Variants in CHST12 observed in about 807,000 individuals in gnomAD.
CHST12 encodes the protein carbohydrate (chondroitin 4) sulfotransferase 12.
In CHST12, 23 loss-of-function variants were observed where a neutral mutation model predicts 27.9. The ratio of observed to expected loss-of-function variants is 0.82; its 90% CI spans 0.59 to 1.17. CHST12 has a LOEUF of 1.17. CHST12 is among the 50% of genes most tolerant of loss of function. The pLI is 0.00. For missense variants in CHST12, 682 were observed against 603.0 expected, an observed-to-expected ratio of 1.13 and a Z score of -1.37; for synonymous variants, 322 against 273.0, an observed-to-expected ratio of 1.18 and a Z score of -1.77.
intron 1 of CHST12, among the ~76,000 whole-genome samples, chr7:2,409,647 T>G (rs1376032808): frequency 2.0e-5 from 3 of 150,430 alleles, no homozygotes; most frequent in Non-Finnish European, 4.4e-5. Flanking sequence ...AAAAGAATCA[T>G]GGAGAAGGGC....
In CHST12 at chr7:2,432,798, G is replaced by A. The variant is rs1228593702; in HGVS notation, c.159G>A (p.Gly53=). Reference sequence around the variant, plus strand: ...CGGGGCCGCCGCTGCCCACGCCCGGGCCGGACAGGGACAGGGAGCTCACGG... The same window carrying A: ...CGGGGCCGCCGCTGCCCACGCCCGGACCGGACAGGGACAGGGAGCTCACGG... ...PHTGPPLPTP[G]PDRDRELTAD... Residue 53 remains glycine, a synonymous_variant, in exon 2 of 2, where the codon GGG becomes GGA. Coordinates refer to ENST00000618655, the MANE Select transcript of CHST12 (RefSeq NM_018641.5). 1.2e-6 allele frequency: 2 copies of A among 1,613,684 alleles called. No individual in the cohort carries two copies. Among genetic ancestry groups the A allele is most frequent in the Admixed American group, 3.3e-5 (2 of 60,004 alleles).
chr7:2,448,220 G>C lies in CHST12; in HGVS notation c.*14336G>C, dbSNP rs907336474. On this transcript the variant is annotated 3_prime_UTR_variant, in exon 2 of 2. Coordinates refer to ENST00000618655, the MANE Select transcript of CHST12 (RefSeq NM_018641.5). ...AAGGAACTGGACCAGGAAGTGTGGA[G>C]TTGGGGAGACCCTGCTCTCGCCAGG... is the stretch of plus-strand genomic sequence containing the variant. 1 of 152,274 alleles carries C rather than the reference G, an allele frequency of 6.6e-6. No individual in the cohort carries two copies. The highest frequency in any genetic ancestry group is 2.4e-5 in the African/African-American group (1 of 41,458). 9.4% of individuals were successfully genotyped at this position (152,274 alleles called of 1,614,324 possible). A position where few individuals can be genotyped will look rare whatever the true frequency, so the allele number is the denominator to read the frequency against.
intron 1 of CHST12, among the ~76,000 whole-genome samples, chr7:2,428,722 T>C (rs189233662): frequency 2.0e-5 from 3 of 152,286 alleles, no homozygotes; most frequent in Admixed American, 2.0e-4. Context: ...AGCATGTGCA[T>C]CAGTAATTTC....
rs1212077428 is a variant in CHST12 at position 2,418,134 on chromosome 7, G to A, written c.-77-14429G>A. ...GTCAGCATGAGTATTTGGACCAGTG[G>A]CCTTGCGTGGGCAGCCGGCATGGAC... is the stretch of plus-strand genomic sequence containing the variant. On this transcript the variant is annotated intron_variant, in intron 1 of 1. Coordinates refer to ENST00000618655, the MANE Select transcript of CHST12 (RefSeq NM_018641.5). Among the ~76,000 whole-genome samples the A allele has an allele frequency of 2.0e-5, 3 of 152,248 alleles. No individual in the cohort carries two copies. In the East Asian group the frequency reaches 5.8e-4, roughly 29 times the overall value.
chr7:2,405,277 T>G (rs960437946), intron 1 of CHST12, among the ~76,000 whole-genome samples: 1 of 152,078 alleles, frequency 6.6e-6, no homozygotes, highest in Non-Finnish European at 1.5e-5. Context: ...AAACCCCATC[T>G]CTACTAAAAA....
intron 1 of CHST12, among the ~76,000 whole-genome samples, chr7:2,408,696 C>T (rs1294486597): frequency 6.6e-6 from 1 of 152,140 alleles, no homozygotes; most frequent in African/African-American, 2.4e-5. Context: ...CAGACTTGCT[C>T]CCAGATTTGT....
At chr7:2,414,243 G>A (rs1162164475) in intron 1 of CHST12, among the ~76,000 whole-genome samples, 6 of 151,602 alleles carry the variant, frequency 4.0e-5, no homozygotes, top group African/African-American at 9.7e-5. Context: ...ATTTTCTCCC[G>A]GCCTATGGCC....
chr7:2,426,519 T>G (rs1782123054), intron 1 of CHST12, among the ~76,000 whole-genome samples: 1 of 151,698 alleles, frequency 6.6e-6, no homozygotes, highest in Non-Finnish European at 1.5e-5. Flanking sequence ...TGGGGATGAG[T>G]AGGTGTCTAC....
intron 1 of CHST12, among the ~76,000 whole-genome samples, chr7:2,409,369 C>G (rs1331652834): frequency 6.6e-6 from 1 of 152,134 alleles, no homozygotes; most frequent in Non-Finnish European, 1.5e-5. Context: ...AATCCCAGCA[C>G]TTCAGGAGGC....
In CHST12 at chr7:2,432,865, G is replaced by T; in HGVS notation, c.226G>T (p.Ala76Ser). Residue 76 changes from alanine (A) to serine (S), a missense_variant, in exon 2 of 2, where the codon GCT becomes TCT. Coordinates refer to ENST00000618655, the MANE Select transcript of CHST12 (RefSeq NM_018641.5). ...CGAGTTTCTGGACAAGTTTCTCAGT[G>T]CTGGCGTGAAGCAGAGCGACCTTCC... The part of the protein sequence containing the change: ...VDEFLDKFLS[A>S]GVKQSDLPRK... The T allele has an allele frequency of 1.9e-6, 3 of 1,613,770 alleles. No individual in the cohort carries two copies. Among genetic ancestry groups the T allele is most frequent in the Non-Finnish European group, 2.5e-6 (3 of 1,179,906 alleles).
At position 2,434,132 on chromosome 7, in the gene CHST12, G is replaced by T. The variant is rs1199083812; in HGVS notation, c.*248G>T. 2 of 310,976 alleles carry T rather than the reference G, an allele frequency of 6.4e-6. No homozygotes were observed. Among genetic ancestry groups the T allele is most frequent in the East Asian group, 1.2e-4 (2 of 16,506 alleles). 19.3% of individuals were successfully genotyped at this position (310,976 alleles called of 1,614,324 possible). On this transcript the variant is annotated 3_prime_UTR_variant, in exon 2 of 2. Transcript: ENST00000618655. ...CGCCCACCCGCCCGCCCGCTCGCCC[G>T]CTCGCCCGCTCCTGTGGTTTTTCTG...
In CHST12 at chr7:2,441,033, T is replaced by C. The variant is rs1391716188; in HGVS notation, c.*7149T>C. The C allele has an allele frequency of 6.6e-6, 1 of 152,170 alleles. No individual in the cohort carries two copies. The highest frequency in any genetic ancestry group is 2.4e-5 in the African/African-American group (1 of 41,444). The allele number at this position is 152,170 out of a possible 1,614,324, so 9.4% of individuals were successfully genotyped here. On this transcript the variant is annotated 3_prime_UTR_variant, in exon 2 of 2. Coordinates refer to ENST00000618655, the MANE Select transcript of CHST12 (RefSeq NM_018641.5). Reference sequence around the variant, plus strand: ...CTGTGGGGCAATGTTCTGCTTATAATGTTTCAAGAGGTTCAAAGCGTGCAG... The same window carrying C: ...CTGTGGGGCAATGTTCTGCTTATAACGTTTCAAGAGGTTCAAAGCGTGCAG...
rs1452015632 is a variant in CHST12, at chr7:2,437,831, G to C, written c.*3947G>C. ...GGTGTAGGAGTTGTGTTCCAAGTTT[G>C]TTCCTGCAAACCCTCCGATGAGGCC... On this transcript the variant is annotated 3_prime_UTR_variant, in exon 2 of 2. Coordinates refer to ENST00000618655, the MANE Select transcript of CHST12 (RefSeq NM_018641.5). 6.6e-6 allele frequency: 1 copy of C among 152,228 alleles called. No individual in the cohort carries two copies. Among genetic ancestry groups the C allele is most frequent in the Non-Finnish European group, 1.5e-5 (1 of 68,104 alleles). 9.4% of individuals were successfully genotyped at this position (152,228 alleles called of 1,614,324 possible).
Position 2,447,743 on chromosome 7 carries a change from G to A in CHST12, c.*13859G>A, listed in dbSNP as rs1289017780. 2.0e-5 allele frequency: 3 copies of A among 151,980 alleles called. No individual in the cohort carries two copies. The highest frequency in any genetic ancestry group is 2.9e-5 in the Non-Finnish European group (2 of 68,014). 9.4% of individuals were successfully genotyped at this position (151,980 alleles called of 1,614,324 possible). A position where few individuals can be genotyped will look rare whatever the true frequency, so the allele number is the denominator to read the frequency against. ...CCGCCTCGGCCTCCCAAAGTGCTGG[G>A]ATTACAAGCATGAGCCACTGCGCCC... On this transcript the variant is annotated 3_prime_UTR_variant, in exon 2 of 2. Transcript: ENST00000618655.
chr7:2,433,687 G>C lies in CHST12; in HGVS notation c.1048G>C (p.Ala350Pro). 1 of 1,613,330 alleles carries C rather than the reference G, an allele frequency of 6.2e-7. No individual in the cohort carries two copies. The highest frequency in any genetic ancestry group is 1.1e-5 in the South Asian group (1 of 91,048). Residue 350 changes from alanine to proline, a missense_variant, in exon 2 of 2, where the codon GCG becomes CCG. Transcript: ENST00000618655. The surrounding 1 kb of genome is among the most constrained non-coding windows in gnomAD (Gnocchi z 6.1). ...GCTGGAGACTCTGGACGAGGACGCC[G>C]CGCAGCTGCTGCAGCTACTCCAGGT... ...GKLETLDEDA[A>P]QLLQLLQVDR...
chr7:2,418,107 C>G (rs1490434625), intron 1 of CHST12, among the ~76,000 whole-genome samples: 1 of 152,256 alleles, frequency 6.6e-6, no homozygotes. Context: ...GTTTTGCCCA[C>G]AGTCAGCATG....
At position 2,414,369 on chromosome 7, in the gene CHST12, C is replaced by T. The variant is rs140834744; in HGVS notation, c.-78+10696C>T. On this transcript the variant is annotated intron_variant, in intron 1 of 1. Coordinates refer to ENST00000618655, the MANE Select transcript of CHST12 (RefSeq NM_018641.5). ...TGTGATCTTGGCTCACTGCAACCTC[C>T]ACCTCTTGGGTTCAAGCGATTCTCT... 3.7e-3 allele frequency among the ~76,000 whole-genome samples: 566 copies of T among 152,032 alleles called. 5 individuals carry two copies. The highest frequency in any genetic ancestry group is 0.013 in the African/African-American group (534 of 41,452).
upstream of CHST12, chr7:2,403,546 G>T: frequency 6.6e-6 from 1 of 151,522 alleles, no homozygotes; most frequent in South Asian, 1.8e-4. Context: ...GCGAGAAGAC[G>T]ACCGGTAGGA....
Position 2,447,660 on chromosome 7 carries a change from A to G in CHST12, c.*13776A>G, listed in dbSNP as rs1264088617. On this transcript the variant is annotated 3_prime_UTR_variant, in exon 2 of 2. Coordinates refer to ENST00000618655, the MANE Select transcript of CHST12 (RefSeq NM_018641.5). ...GCTAATTTTTGTATTTTTAGTAGAG[A>G]TGAGGTTTCACCATGTTGGCCAGGC... 6.6e-6 allele frequency: 1 copy of G among 152,080 alleles called. No homozygotes were observed. The highest frequency in any genetic ancestry group is 1.5e-5 in the Non-Finnish European group (1 of 68,050). 9.4% of individuals were successfully genotyped at this position (152,080 alleles called of 1,614,324 possible).
Sources: allele counts gnomAD v4.1 joint callset (sites outside exome capture counted in the v4.1 genomes callset), GRCh38; gene constraint gnomAD v4.1.1; non-coding constraint Gnocchi (gnomAD v3.1); transcripts MANE v1.5; gene names NCBI Gene and HGNC (gene_info 2026-07-23, HGNC 2026-07-21).